Variants in SRGAP2 observed in about 807,000 individuals in gnomAD.
SRGAP2 encodes the protein SLIT-ROBO Rho GTPase activating protein 2, also known as SLIT-ROBO Rho GTPase-activating protein 2.
In SRGAP2, 15 loss-of-function variants were observed where a neutral mutation model predicts 57.2. The observed-to-expected ratio is 0.26, with a 90% CI of 0.18 to 0.40. SRGAP2 has a LOEUF of 0.40. Ranked by LOEUF, SRGAP2 falls within the 10% of genes least tolerant of loss-of-function variation. The pLI is 1.00. For synonymous variants in SRGAP2, 249 were observed against 248.0 expected (o/e 1.00, Z -0.04); for missense variants, 520 against 669.6 (o/e 0.78, Z 2.47).
intron 3 of SRGAP2, among the ~76,000 whole-genome samples, chr1:206,310,175 T>C (rs1244941236): frequency 1.3e-5 from 2 of 151,530 alleles, no homozygotes; most frequent in Non-Finnish European, 2.9e-5. Flanking sequence ...GCTGGGTTTT[T>C]TTGTAAGGCA....
intron 10 of SRGAP2, among the ~76,000 whole-genome samples, chr1:206,411,139 C>T (rs997193455): frequency 6.6e-6 from 1 of 152,214 alleles, no homozygotes; most frequent in East Asian, 1.9e-4. Flanking sequence ...GGATTACAGG[C>T]GTGAGCCACC....
chr1:206,459,585 A>T (rs1553379772), intron 22 of SRGAP2, among the ~76,000 whole-genome samples: 2 of 152,130 alleles, frequency 1.3e-5, no homozygotes, highest in Non-Finnish European at 2.9e-5. Context: ...GAAATATTAG[A>T]GATCCAACCC....
At chr1:206,293,003 T>C (rs1671413202) in intron 2 of SRGAP2, among the ~76,000 whole-genome samples, 1 of 152,106 alleles carries the variant, frequency 6.6e-6, no homozygotes, top group Non-Finnish European at 1.5e-5. Context: ...CCAGTACTTA[T>C]GCTAAGCTGG....
chr1:206,439,419 T>G (rs1302210782), intron 16 of SRGAP2, among the ~76,000 whole-genome samples: 1 of 151,994 alleles, frequency 6.6e-6, no homozygotes, highest in Non-Finnish European at 1.5e-5. Context: ...AAGCCACACT[T>G]GTCCAGAGGA....
At chr1:206,333,703 T>A (rs1346169207) in intron 3 of SRGAP2, among the ~76,000 whole-genome samples, 2 of 152,130 alleles carry the variant, frequency 1.3e-5, no homozygotes, top group Non-Finnish European at 2.9e-5. Context: ...CCATTTACTT[T>A]TTAAAACAGG....
At chr1:206,383,479 C>G (rs1655900985) in intron 4 of SRGAP2, among the ~76,000 whole-genome samples, 1 of 152,092 alleles carries the variant, frequency 6.6e-6, no homozygotes, top group African/African-American at 2.4e-5. Flanking sequence ...CACAGGCAGT[C>G]AATATTGAGA....
At chr1:206,373,096 T>C (rs1166708534) in intron 4 of SRGAP2, among the ~76,000 whole-genome samples, 1 of 136,702 alleles carries the variant, frequency 7.3e-6, no homozygotes, top group Non-Finnish European at 1.5e-5. Flanking sequence ...GTCCTTTTTT[T>C]TTCTTTTTTT....
intron 3 of SRGAP2, among the ~76,000 whole-genome samples, chr1:206,334,581 A>G (rs1421391066): frequency 6.6e-6 from 1 of 152,148 alleles, no homozygotes; most frequent in Non-Finnish European, 1.5e-5. Flanking sequence ...GCTATTTGGC[A>G]TACTAAAGTA....
At chr1:206,268,081 A>ATTTTTT (rs71568075) in intron 2 of SRGAP2, among the ~76,000 whole-genome samples, 10 of 145,250 alleles carry the variant, frequency 6.9e-5, no homozygotes, top group Admixed American at 4.1e-4. Flanking sequence ...ATATATATAT[A>ATTTTTT]TTTTTTTTTT....
chr1:206,338,854 A>G (rs1674963034), intron 3 of SRGAP2, among the ~76,000 whole-genome samples: 2 of 143,252 alleles, frequency 1.4e-5, no homozygotes, highest in Non-Finnish European at 3.0e-5. Flanking sequence ...TATGAAACAG[A>G]TCAAAGCAGT....
intron 15 of SRGAP2, chr1:206,437,502 A>G (rs767459549): frequency 5.5e-6 from 1 of 180,602 alleles, no homozygotes; most frequent in Non-Finnish European, 1.2e-5. Flanking sequence ...ATCTAATTAC[A>G]TCTGATATGA....
chr1:206,436,404 G>A (rs1358378902), intron 14 of SRGAP2, among the ~76,000 whole-genome samples: 1 of 151,650 alleles, frequency 6.6e-6, no homozygotes, highest in African/African-American at 2.4e-5. Context: ...AGGCTGGAGG[G>A]CAGTGGTGTG....
At chr1:206,383,547 C>T (rs868933281) in intron 4 of SRGAP2, among the ~76,000 whole-genome samples, 2 of 152,098 alleles carry the variant, frequency 1.3e-5, no homozygotes, top group African/African-American at 4.8e-5. Flanking sequence ...ATAGTTCCAT[C>T]CTGCTTGGAG....
chr1:206,312,623 G>C (rs71228995), intron 3 of SRGAP2, among the ~76,000 whole-genome samples: 4,069 of 151,816 alleles, frequency 0.027, 56 homozygotes, highest in African/African-American at 0.032. Context: ...CAGAGAATGA[G>C]AGATGCTGCA....
intron 14 of SRGAP2, among the ~76,000 whole-genome samples, chr1:206,434,691 G>A (rs1222806762): frequency 2.6e-5 from 4 of 152,166 alleles, no homozygotes; most frequent in African/African-American, 9.7e-5. Flanking sequence ...CAAAACATAA[G>A]TTCTCAGGAG....
intron 19 of SRGAP2, among the ~76,000 whole-genome samples, chr1:206,450,673 A>G (rs2480408): frequency 0.017 from 2,604 of 152,298 alleles, 76 homozygotes; most frequent in African/African-American, 0.06. Context: ...CCAGAGGTGA[A>G]GAACTAGGCC....
intron 2 of SRGAP2, among the ~76,000 whole-genome samples, chr1:206,240,404 T>A (rs1185771863): frequency 2.6e-5 from 4 of 152,242 alleles, no homozygotes; most frequent in Middle Eastern, 3.4e-3. Flanking sequence ...TCTGTGTAAA[T>A]GTGCTGTACT....
chr1:206,291,080 C>T (rs1468171561), intron 2 of SRGAP2, among the ~76,000 whole-genome samples: 1 of 151,300 alleles, frequency 6.6e-6, no homozygotes, highest in African/African-American at 2.5e-5. Flanking sequence ...TGAAGGAATT[C>T]GGGGATTCTT....
chr1:206,226,889 C>T (rs1161567866), intron 2 of SRGAP2, among the ~76,000 whole-genome samples: 1 of 151,874 alleles, frequency 6.6e-6, no homozygotes, highest in Admixed American at 6.6e-5. Context: ...GAACACGCAC[C>T]TTCCTCCTTC....
Sources: gnomAD v4.1 joint callset for allele counts (sites outside exome capture counted in the v4.1 genomes callset) on GRCh38, gnomAD v4.1.1 for gene constraint, MANE v1.5 for transcripts, NCBI Gene and HGNC (gene_info 2026-07-23, HGNC 2026-07-21) for gene names.